NDNF: variants seen among roughly 807,000 people sequenced by gnomAD.
The protein encoded by NDNF is protein NDNF.
NDNF carries 16 observed loss-of-function variants against 42.0 expected under a neutral mutation model. That is an observed-to-expected ratio of 0.38 (90% CI 0.26 to 0.58). NDNF has a LOEUF of 0.58. Among genes scored for constraint, NDNF ranks in the 20% least tolerant of loss-of-function variants. NDNF has a pLI of 0.67. For synonymous variants in NDNF, 248 were observed against 251.7 expected (o/e 0.99, Z 0.14); for missense variants, 616 against 666.2 (o/e 0.92, Z 0.83).
chr4:121,043,875 A>G (rs1403198609), intron 2 of NDNF, among the ~76,000 whole-genome samples: 2 of 152,224 alleles, frequency 1.3e-5, no homozygotes, highest in African/African-American at 4.8e-5. Context: ...CCCAGCAAGA[A>G]CTCAGTTAAT....
Position 121,036,404 on chromosome 4 carries a change from G to A in NDNF, c.1567C>T (p.Leu523=), listed in dbSNP as rs34766411. The A allele has an allele frequency of 0.23, 366,647 of 1,613,872 alleles. 43,603 individuals are homozygous for A. The highest frequency in any genetic ancestry group is 0.35 in the Admixed American group (21,121 of 59,966). The change falls in exon 4 of 4, where the codon CTG becomes TTG. Residue 523 remains leucine (L), a synonymous_variant. Transcript: ENST00000379692. ...VLCKYFHSQN[L]QKAVTTETIK... is the part of the protein sequence containing the mutation. Reference sequence around the variant, plus strand: ...GTTTCTGTGGTCACTGCTTTCTGCAGGTTTTGACTGTGGAAATATTTACAG... The same window carrying A: ...GTTTCTGTGGTCACTGCTTTCTGCAAGTTTTGACTGTGGAAATATTTACAG...
At chr4:121,060,380 T>C (rs925049750) in intron 1 of NDNF, among the ~76,000 whole-genome samples, 1 of 152,044 alleles carries the variant, frequency 6.6e-6, no homozygotes, top group Non-Finnish European at 1.5e-5. Context: ...GAGGTTTCCA[T>C]TGGTTGCCCA....
intron 1 of NDNF, among the ~76,000 whole-genome samples, chr4:121,058,904 A>G (rs1003280031): frequency 1.3e-4 from 19 of 151,880 alleles, no homozygotes; most frequent in African/African-American, 3.9e-4. Flanking sequence ...ATGGCTTCCC[A>G]TTACCGAGAG....
At chr4:121,039,192 G>GCA in intron 3 of NDNF, among the ~76,000 whole-genome samples, 1 of 21,558 alleles carries the variant, frequency 4.6e-5, no homozygotes, top group Non-Finnish European at 9.2e-5. Flanking sequence ...GTGTGTGTGT[G>GCA]TATATATATA....
At position 121,072,510 on chromosome 4, in the gene NDNF, C is replaced by T. The variant is rs914507197; in HGVS notation, c.-519G>A. 7.9e-5 allele frequency: 12 copies of T among 151,540 alleles called. No homozygotes were observed. Among genetic ancestry groups the T allele is most frequent in the African/African-American group, 2.9e-4 (12 of 41,404 alleles). 9.4% of individuals were successfully genotyped at this position (151,540 alleles called of 1,614,324 possible). ...GGTGCGCTGCTCAGTTAGCTCCACTCTCTCGCGGCTGGAAGTGGGGAGTGT... is the reference window on the plus strand; with the variant it reads ...GGTGCGCTGCTCAGTTAGCTCCACTTTCTCGCGGCTGGAAGTGGGGAGTGT... On this transcript the variant is annotated 5_prime_UTR_variant, in exon 1 of 4. Coordinates refer to ENST00000379692, the MANE Select transcript of NDNF (RefSeq NM_024574.4).
chr4:121,048,850 AT>A (rs1451315698), intron 1 of NDNF, among the ~76,000 whole-genome samples: 2 of 152,200 alleles, frequency 1.3e-5, no homozygotes, highest in Admixed American at 6.5e-5. Flanking sequence ...AGAAAAAAAA[AT>A]CTGAGATAAA....
Position 121,036,305 on chromosome 4 carries a change from T to G in NDNF, c.1666A>C (p.Lys556Gln). ...YVIGHGGHSV[K>Q]YQSKVVKTRK... ...GTTTTCACAACCTTACTCTGATACT[T>G]TACAGAGTGCCCCCCATGTCCTATG... The change falls in exon 4 of 4, where the codon AAG (lysine) becomes CAG (glutamine). Residue 556 changes from lysine to glutamine, a missense_variant. Lys to Gln is a moderately conservative substitution (Grantham distance 53, BLOSUM62 1). Transcript: ENST00000379692. 6.2e-7 allele frequency: 1 copy of G among 1,612,926 alleles called. No homozygotes were observed. The highest frequency in any genetic ancestry group is 8.5e-7 in the Non-Finnish European group (1 of 1,179,540).
chr4:121,063,421 G>C (rs1727447114), intron 1 of NDNF, among the ~76,000 whole-genome samples: 1 of 151,988 alleles, frequency 6.6e-6, no homozygotes, highest in Non-Finnish European at 1.5e-5. Context: ...TATGTGAAAG[G>C]CTTTGTCTAT....
chr4:121,045,851 A>C lies in NDNF; in HGVS notation c.-1-13T>G. 1 of 1,610,274 alleles carries C rather than the reference A, an allele frequency of 6.2e-7. No homozygotes were observed. Among genetic ancestry groups the C allele is most frequent in the East Asian group, 2.2e-5 (1 of 44,832 alleles). ...GAGCAGCACCATCCTGAGGCAACAGAAATGACTACTTTATTAGTTCTGCAG... is the reference window on the plus strand; with the variant it reads ...GAGCAGCACCATCCTGAGGCAACAGCAATGACTACTTTATTAGTTCTGCAG... On this transcript the variant is annotated splice_polypyrimidine_tract_variant and intron_variant, in intron 1 of 3. Coordinates refer to ENST00000379692, the MANE Select transcript of NDNF (RefSeq NM_024574.4).
Position 121,045,717 on chromosome 4 carries a change from G to A in NDNF, c.121C>T (p.His41Tyr). 1 of 1,614,186 alleles carries A rather than the reference G, an allele frequency of 6.2e-7. No individual in the cohort carries two copies. Among genetic ancestry groups the A allele is most frequent in the South Asian group, 1.1e-5 (1 of 91,078 alleles). Residue 41 changes from histidine (H) to tyrosine (Y), a missense_variant, in exon 2 of 4, where the codon CAT becomes TAT. Coordinates refer to ENST00000379692, the MANE Select transcript of NDNF (RefSeq NM_024574.4). ...QMQIRDKAFF[H>Y]DSSVIPDGAE... ...CCATCTGGAATTACTGACGAATCAT[G>A]AAAAAATGCCTTGTCCCGGATCTGC... is the stretch of plus-strand genomic sequence containing the variant.
intron 1 of NDNF, among the ~76,000 whole-genome samples, chr4:121,059,758 C>T (rs182927788): frequency 1.3e-5 from 2 of 152,268 alleles, no homozygotes; most frequent in African/African-American, 4.8e-5. Context: ...GCACAGAAAT[C>T]GCTCTTTTCC....
intron 1 of NDNF, among the ~76,000 whole-genome samples, chr4:121,050,179 T>C (rs1727170177): frequency 6.6e-6 from 1 of 152,232 alleles, no homozygotes; most frequent in Admixed American, 6.5e-5. Flanking sequence ...TTTTAAGATT[T>C]TACACATTTT....
In NDNF at chr4:121,045,789, A is replaced by T. The variant is rs751398295; in HGVS notation, c.49T>A (p.Ser17Thr). Residue 17 changes from serine to threonine, a missense_variant, in exon 2 of 4, where the codon TCA (serine) becomes ACA (threonine). Transcript: ENST00000379692. ...CGGGTGGGTAACTTCTGGGTCCTTG[A>T]GCTGAGTGGAAACAGGAGCCACAGC... ...CLLWLLFPLS[S>T]RTQKLPTRDE... 2.5e-6 allele frequency: 4 copies of T among 1,614,162 alleles called. No individual in the cohort carries two copies. The Admixed American group carries it at 6.7e-5, about 27-fold the overall frequency.
chr4:121,067,894 T>C (rs1346070342), intron 1 of NDNF, among the ~76,000 whole-genome samples: 2 of 152,240 alleles, frequency 1.3e-5, no homozygotes, highest in Non-Finnish European at 2.9e-5. Flanking sequence ...ATATTGCTTC[T>C]TTGGGTTGTG....
chr4:121,053,617 A>G (rs947681921), intron 1 of NDNF, among the ~76,000 whole-genome samples: 2 of 152,206 alleles, frequency 1.3e-5, no homozygotes, highest in Non-Finnish European at 2.9e-5. Context: ...AGATATGACA[A>G]AGTTCAAAAG....
intron 1 of NDNF, among the ~76,000 whole-genome samples, chr4:121,068,074 G>A (rs1727530745): frequency 6.6e-6 from 1 of 152,168 alleles, no homozygotes; most frequent in Non-Finnish European, 1.5e-5. Flanking sequence ...AAATATAACT[G>A]AGTTTATGGT....
intron 2 of NDNF, among the ~76,000 whole-genome samples, chr4:121,042,068 TTTACTTTCGGGCAC>T (rs1727008105): frequency 6.6e-6 from 1 of 152,146 alleles, no homozygotes; most frequent in Admixed American, 6.5e-5. Context: ...TCCTATACTT[TTTACTTTCGGGCAC>T]TTATTGTTAC....
intron 1 of NDNF, among the ~76,000 whole-genome samples, chr4:121,056,200 G>T (rs975712856): frequency 2.0e-5 from 3 of 152,140 alleles, no homozygotes; most frequent in Non-Finnish European, 2.9e-5. Flanking sequence ...AATTCTAAAG[G>T]CAATGGAATA....
At chr4:121,058,051 A>C (rs138823860) in intron 1 of NDNF, among the ~76,000 whole-genome samples, 2 of 152,312 alleles carry the variant, frequency 1.3e-5, no homozygotes, top group Non-Finnish European at 2.9e-5. Context: ...TCCTTATAAA[A>C]AAGCTCTTCA....
Sources: allele counts gnomAD v4.1 joint callset (sites outside exome capture counted in the v4.1 genomes callset), GRCh38; gene constraint gnomAD v4.1.1; transcripts MANE v1.5; gene names NCBI Gene and HGNC (gene_info 2026-07-23, HGNC 2026-07-21).